Variants in BORCS5 observed in about 807,000 individuals in gnomAD.
The protein encoded by BORCS5 is BLOC-1-related complex subunit 5.
Under a neutral mutation model 22.1 loss-of-function variants are expected in BORCS5, and 17 were observed. The ratio of observed to expected loss-of-function variants is 0.77; its 90% CI spans 0.53 to 1.15. BORCS5 has a LOEUF of 1.15. BORCS5 is among the 50% of genes most tolerant of loss of function. BORCS5 has a pLI of 0.00. For synonymous variants in BORCS5, 117 were observed against 99.8 expected (o/e 1.17, Z -1.03); for missense variants, 247 against 253.2 (o/e 0.98, Z 0.17).
At chr12:12,402,786 C>G (rs16908006) in intron 2 of BORCS5, among the ~76,000 whole-genome samples, 25,202 of 152,140 alleles carry the variant, frequency 0.17, 3,145 homozygotes, top group African/African-American at 0.35. Flanking sequence ...AACTTTATTT[C>G]TCTATTAGCT....
At position 12,467,660 on chromosome 12, in the gene BORCS5, T is replaced by A. The variant is rs1183394232; in HGVS notation, c.*1884T>A. On this transcript the variant is annotated 3_prime_UTR_variant, in exon 4 of 4. Transcript: ENST00000314565. ...AAAGAATTCTAGTTAGTTTAATATT[T>A]TGATGGCATGTTGTGGTTTCTGCAG... 6.6e-6 allele frequency: 1 copy of A among 152,228 alleles called. No homozygotes were observed. The highest frequency in any genetic ancestry group is 1.5e-5 in the Non-Finnish European group (1 of 68,038). 9.4% of individuals were successfully genotyped at this position (152,228 alleles called of 1,614,324 possible).
In BORCS5 at chr12:12,465,874, G is replaced by C; in HGVS notation, c.*98G>C. The C allele has an allele frequency of 1.9e-6, 2 of 1,047,586 alleles. No homozygotes were observed. The highest frequency in any genetic ancestry group is 2.6e-5 in the East Asian group (1 of 38,230). 64.9% of individuals were successfully genotyped at this position (1,047,586 alleles called of 1,614,324 possible). On this transcript the variant is annotated 3_prime_UTR_variant, in exon 4 of 4. Transcript: ENST00000314565. The stretch of plus-strand genomic sequence containing the variant: ...ATCATCTGACCAGGTCTGGAGGCTG[G>C]CGGGAGGCTCCCTGAAAGTGGGTGC...
At chr12:12,462,383 G>A (rs1242346640) in intron 3 of BORCS5, among the ~76,000 whole-genome samples, 2 of 152,330 alleles carry the variant, frequency 1.3e-5, no homozygotes, top group African/African-American at 4.8e-5. Context: ...TGGAGATATA[G>A]CAGGGTTTAA....
chr12:12,451,166 C>CTT (rs201926986), intron 3 of BORCS5, among the ~76,000 whole-genome samples: 10,789 of 139,062 alleles, frequency 0.078, 539 homozygotes, highest in East Asian at 0.23. Flanking sequence ...AGAATTTATT[C>CTT]TTTTTTTTTT....
At chr12:12,389,454 A>G (rs1012432150) in intron 2 of BORCS5, among the ~76,000 whole-genome samples, 4 of 149,280 alleles carry the variant, frequency 2.7e-5, no homozygotes, top group Non-Finnish European at 4.5e-5. Flanking sequence ...ATATATTTTT[A>G]ATGCACATTT....
At chr12:12,405,395 C>T (rs1000263115) in intron 2 of BORCS5, among the ~76,000 whole-genome samples, 3 of 152,186 alleles carry the variant, frequency 2.0e-5, no homozygotes, top group African/African-American at 7.2e-5. Context: ...TGTATTATCT[C>T]CCTCAAGGTG....
chr12:12,451,936 A>C (rs534893279), intron 3 of BORCS5, among the ~76,000 whole-genome samples: 1 of 151,782 alleles, frequency 6.6e-6, no homozygotes, highest in East Asian at 1.9e-4. Flanking sequence ...AATTAAAAAA[A>C]AAAAAAAAAG....
At chr12:12,437,469 A>G (rs1158096862) in intron 3 of BORCS5, among the ~76,000 whole-genome samples, 4 of 152,322 alleles carry the variant, frequency 2.6e-5, no homozygotes, top group East Asian at 3.9e-4. Context: ...GCCACCCTCT[A>G]TTACCCAGGA....
In BORCS5 at chr12:12,357,140, C is replaced by G. The variant is rs12826711; in HGVS notation, c.-312C>G. ...ACCAGTGAGTGAAAGCGGCGCCGCC[C>G]GCCGGCCGCAGGTGCGGCAAAGCCA... On this transcript the variant is annotated 5_prime_UTR_variant, in exon 1 of 4. Coordinates refer to ENST00000314565, the MANE Select transcript of BORCS5 (RefSeq NM_058169.6). 80,769 of 1,533,304 alleles carry G rather than the reference C, an allele frequency of 0.053. 2,412 individuals are homozygous for G. Among genetic ancestry groups the G allele is most frequent in the Non-Finnish European group, 0.06 (68,326 of 1,145,758 alleles). 95.0% of individuals were successfully genotyped at this position (1,533,304 alleles called of 1,614,324 possible).
intron 2 of BORCS5, among the ~76,000 whole-genome samples, chr12:12,417,099 A>T (rs144906206): frequency 6.6e-6 from 1 of 151,818 alleles, no homozygotes; most frequent in Non-Finnish European, 1.5e-5. Flanking sequence ...CCTAATGTAA[A>T]CATTGATAAA....
At chr12:12,414,680 C>CG (rs1378920708) in intron 2 of BORCS5, among the ~76,000 whole-genome samples, 5 of 79,106 alleles carry the variant, frequency 6.3e-5, no homozygotes, top group African/African-American at 1.3e-4. Flanking sequence ...GCTGGCCGGG[C>CG]GGGGGGCTGA....
intron 3 of BORCS5, among the ~76,000 whole-genome samples, chr12:12,440,061 G>A (rs10772567): frequency 0.36 from 54,568 of 152,102 alleles, 11,601 homozygotes; most frequent in Non-Finnish European, 0.48. Context: ...ATATGTGTTA[G>A]TGGAAGTATA....
intron 2 of BORCS5, among the ~76,000 whole-genome samples, chr12:12,423,399 T>G (rs992433374): frequency 6.6e-6 from 1 of 151,848 alleles, no homozygotes; most frequent in Non-Finnish European, 1.5e-5. Context: ...CCTTTAGCAT[T>G]TCTTGCAGGG....
intron 2 of BORCS5, among the ~76,000 whole-genome samples, chr12:12,366,622 A>T (rs2136022294): frequency 6.6e-6 from 1 of 152,358 alleles, no homozygotes; most frequent in South Asian, 2.1e-4. Context: ...AGTAGATTTG[A>T]TGTAAGTTAG....
At chr12:12,374,735 A>T (rs2136034797) in intron 2 of BORCS5, among the ~76,000 whole-genome samples, 1 of 152,202 alleles carries the variant, frequency 6.6e-6, no homozygotes, top group Non-Finnish European at 1.5e-5. Context: ...AGGTGGGTGG[A>T]TCACTTGAGG....
At chr12:12,465,475 G>C (rs1257883823) in intron 3 of BORCS5, 71 bp from the exon 4 acceptor site, 2 of 1,356,602 alleles carry the variant, frequency 1.5e-6, no homozygotes, top group Admixed American at 1.9e-5. Flanking sequence ...TCCCTCACAG[G>C]CTGGACACCC....
intron 3 of BORCS5, among the ~76,000 whole-genome samples, chr12:12,441,623 T>A (rs966936923): frequency 6.6e-6 from 1 of 152,140 alleles, no homozygotes; most frequent in Non-Finnish European, 1.5e-5. Context: ...CATTTGAAAT[T>A]ACTTGATACC....
intron 2 of BORCS5, among the ~76,000 whole-genome samples, chr12:12,416,820 T>C (rs11054894): frequency 0.58 from 84,615 of 144,740 alleles, 25,462 homozygotes; most frequent in African/African-American, 0.68. Flanking sequence ...CTTGCTTTGT[T>C]GCCCAGGCTG....
chr12:12,408,469 G>T (rs189454245), intron 2 of BORCS5, among the ~76,000 whole-genome samples: 1 of 152,134 alleles, frequency 6.6e-6, no homozygotes, highest in African/African-American at 2.4e-5. Context: ...CATTGAGATT[G>T]TTGTGTGACC....
Sources: gnomAD v4.1 joint callset for allele counts (sites outside exome capture counted in the v4.1 genomes callset) on GRCh38, gnomAD v4.1.1 for gene constraint, MANE v1.5 for transcripts, NCBI Gene and HGNC (gene_info 2026-07-23, HGNC 2026-07-21) for gene names.